Variants in PLD1 observed in about 807,000 individuals in gnomAD.
The protein encoded by PLD1 is phospholipase D1, also known as choline phosphatase 1.
PLD1 carries 112 observed loss-of-function variants against 137.1 expected under a neutral mutation model. That is an observed-to-expected ratio of 0.82 (90% CI 0.70 to 0.96). PLD1 has a LOEUF of 0.96. PLD1 is among the 40% of genes least tolerant of loss of function. The probability of loss-of-function intolerance (pLI) is 0.00; values close to 1 mark genes in which losing one functional copy is unlikely to be tolerated. For synonymous variants in PLD1, 431 were observed against 454.7 expected (o/e 0.95, Z 0.66); for missense variants, 1,321 against 1,342.0 (o/e 0.98, Z 0.24).
At chr3:171,757,188 T>C (rs1186376932) in intron 1 of PLD1, among the ~76,000 whole-genome samples, 1 of 152,236 alleles carries the variant, frequency 6.6e-6, no homozygotes, top group Non-Finnish European at 1.5e-5. Flanking sequence ...ATTCCACTGT[T>C]TTCTTCTGAA....
At chr3:171,738,803 G>A (rs900459370) in intron 1 of PLD1, among the ~76,000 whole-genome samples, 7 of 152,026 alleles carry the variant, frequency 4.6e-5, no homozygotes, top group African/African-American at 1.5e-4. Flanking sequence ...AACACAAGTC[G>A]TTGCACATCA....
At chr3:171,626,095 A>G (rs1734081490) in intron 23 of PLD1, among the ~76,000 whole-genome samples, 1 of 152,196 alleles carries the variant, frequency 6.6e-6, no homozygotes, top group South Asian at 2.1e-4. Context: ...AAGAAGTTGA[A>G]AACTTTGAAA....
intron 9 of PLD1, 24 bp downstream of exon 9, chr3:171,713,869 T>C: frequency 6.3e-7 from 1 of 1,585,250 alleles, no homozygotes; most frequent in South Asian, 1.2e-5. Flanking sequence ...GTAGAAATCT[T>C]TTTTAAATAT....
At chr3:171,709,450 T>C (rs2108564108) in intron 10 of PLD1, 110 bp downstream of exon 10, 2 of 823,760 alleles carry the variant, frequency 2.4e-6, no homozygotes, top group South Asian at 3.6e-5. Context: ...CCTTGTTAAG[T>C]ATAATGCATA....
intron 9 of PLD1, among the ~76,000 whole-genome samples, chr3:171,710,726 T>G (rs1236423290): frequency 6.6e-6 from 1 of 152,166 alleles, no homozygotes; most frequent in African/African-American, 2.4e-5. Context: ...TCTGGAAATA[T>G]CATCCCAATT....
In PLD1 at chr3:171,676,675, C is replaced by T. The variant is rs1232941308; in HGVS notation, c.2115+40G>A. On this transcript the variant is annotated intron_variant, in intron 18 of 26. Coordinates refer to ENST00000351298, the MANE Select transcript of PLD1 (RefSeq NM_002662.5). Reference sequence around the variant, plus strand: ...ACCTCTTCTCTAGTTAGGCCTGCCTCTCTTCATGTGGATAAATCATGATAG... The same window carrying T: ...ACCTCTTCTCTAGTTAGGCCTGCCTTTCTTCATGTGGATAAATCATGATAG... The T allele has an allele frequency of 2.7e-6, 4 of 1,493,038 alleles. No individual in the cohort carries two copies. In the Admixed American group the frequency reaches 6.7e-5, roughly 25 times the overall value. 92.5% of individuals were successfully genotyped at this position (1,493,038 alleles called of 1,614,324 possible). A position where few individuals can be genotyped will look rare whatever the true frequency, so the allele number is the denominator to read the frequency against.
intron 6 of PLD1, among the ~76,000 whole-genome samples, chr3:171,728,572 A>G (rs940314043): frequency 6.6e-6 from 1 of 152,234 alleles, no homozygotes; most frequent in Non-Finnish European, 1.5e-5. Context: ...TGAAGACTAT[A>G]GTCTACTACA....
chr3:171,717,489 C>T (rs1169443308), intron 8 of PLD1, among the ~76,000 whole-genome samples: 1 of 152,018 alleles, frequency 6.6e-6, no homozygotes, highest in African/African-American at 2.4e-5. Context: ...GGTTGCCTCC[C>T]TGATTTGACT....
At chr3:171,638,947 T>A (rs1735399906) in intron 23 of PLD1, among the ~76,000 whole-genome samples, 1 of 152,068 alleles carries the variant, frequency 6.6e-6, no homozygotes, top group Non-Finnish European at 1.5e-5. Context: ...ATTCTTGCTT[T>A]TCTGCTTCTG....
At chr3:171,682,776 C>A (rs1387033730) in intron 16 of PLD1, among the ~76,000 whole-genome samples, 4 of 152,142 alleles carry the variant, frequency 2.6e-5, no homozygotes, top group African/African-American at 9.7e-5. Context: ...TCCTGGGGTT[C>A]ACCTACTTCA....
Position 171,733,423 on chromosome 3 carries a change from A to C in PLD1, c.606+21T>G, listed in dbSNP as rs1719094861. On this transcript the variant is annotated intron_variant, in intron 6 of 26. Coordinates refer to ENST00000351298, the MANE Select transcript of PLD1 (RefSeq NM_002662.5). ...CTATAGTGAAAATTACTCCAAACTT[A>C]AATCACTGACTAGTACTTACTGTGG... 3.1e-6 allele frequency: 3 copies of C among 971,394 alleles called. No individual in the cohort carries two copies. The South Asian group carries it at 4.3e-5, about 14-fold the overall frequency. 60.2% of individuals were successfully genotyped at this position (971,394 alleles called of 1,614,324 possible). A position where few individuals can be genotyped will look rare whatever the true frequency, so the allele number is the denominator to read the frequency against.
At chr3:171,676,378 C>T (rs2108479482) in intron 18 of PLD1, among the ~76,000 whole-genome samples, 1 of 152,158 alleles carries the variant, frequency 6.6e-6, no homozygotes, top group South Asian at 2.1e-4. Context: ...AGGCTCCTAT[C>T]CCCCTATAAC....
chr3:171,680,242 CTT>C (rs571538714), intron 16 of PLD1, among the ~76,000 whole-genome samples: 2,218 of 102,264 alleles, frequency 0.022, 13 homozygotes, highest in African/African-American at 0.088. Flanking sequence ...TTTTCTTCCT[CTT>C]TTTTTTTTTT....
At chr3:171,771,272 G>C (rs1352034645) in intron 1 of PLD1, 1 of 152,212 alleles carries the variant, frequency 6.6e-6, no homozygotes, top group Non-Finnish European at 1.5e-5. Context: ...CTCCAAGGCA[G>C]CTGATAGCCA....
chr3:171,766,012 A>G (rs1400351396), intron 1 of PLD1, among the ~76,000 whole-genome samples: 2 of 152,234 alleles, frequency 1.3e-5, no homozygotes, highest in African/African-American at 2.4e-5. Context: ...GTTTCCTAAC[A>G]TGATGTATAA....
intron 1 of PLD1, among the ~76,000 whole-genome samples, chr3:171,741,798 C>T (rs925539568): frequency 2.6e-5 from 4 of 152,108 alleles, no homozygotes; most frequent in African/African-American, 9.7e-5. Flanking sequence ...TGATTTTCAA[C>T]AAGATTGGGA....
chr3:171,772,345 C>CA (rs1332301287), intron 1 of PLD1, among the ~76,000 whole-genome samples: 2 of 152,168 alleles, frequency 1.3e-5, no homozygotes, highest in African/African-American at 4.8e-5. Context: ...AATATGCAGG[C>CA]AAAGCTTGAT....
chr3:171,721,349 T>C (rs1718113512), intron 8 of PLD1: 1 of 152,350 alleles, frequency 6.6e-6, no homozygotes, highest in Admixed American at 6.5e-5. Flanking sequence ...AGAGTGTATT[T>C]TCATGCTTTT....
chr3:171,649,521 A>G (rs1325664887), intron 21 of PLD1, among the ~76,000 whole-genome samples: 1 of 152,198 alleles, frequency 6.6e-6, no homozygotes, highest in African/African-American at 2.4e-5. Context: ...GAGGAATCCA[A>G]CGTCCTTCGG....
Sources: gnomAD v4.1 joint callset for allele counts (sites outside exome capture counted in the v4.1 genomes callset) on GRCh38, gnomAD v4.1.1 for gene constraint, MANE v1.5 for transcripts, NCBI Gene and HGNC (gene_info 2026-07-23, HGNC 2026-07-21) for gene names.